Variants in CD3D observed in about 807,000 individuals in gnomAD.
CD3D encodes CD3 delta subunit of T-cell receptor complex, also known as T-cell surface glycoprotein CD3 delta chain.
A neutral mutation model predicts 22.0 loss-of-function variants in CD3D; 22 were observed. The ratio of observed to expected loss-of-function variants is 1.00; its 90% confidence interval spans 0.71 to 1.43. The LOEUF (loss-of-function observed/expected upper bound fraction) is 1.43, where lower values mean the gene tolerates loss of function less well. Ranked by LOEUF, CD3D falls within the 40% of genes most tolerant of loss-of-function variation. CD3D has a pLI of 0.00. For synonymous variants in CD3D, 74 were observed against 81.2 expected (o/e 0.91, Z 0.48); for missense variants, 205 against 211.7 (o/e 0.97, Z 0.20).
chr11:118,340,340 T>A, intron 2 of CD3D, 35 bp downstream of exon 2: 1 of 1,524,246 alleles, frequency 6.6e-7, no homozygotes, highest in Non-Finnish European at 9.1e-7. Flanking sequence ...AGAAGCCCTA[T>A]CCATTCCAAC....
chr11:118,341,298 G>C (rs1248183126), intron 1 of CD3D, among the ~76,000 whole-genome samples: 2 of 152,204 alleles, frequency 1.3e-5, no homozygotes, highest in Admixed American at 1.3e-4. Context: ...CTCCTCACAA[G>C]TCAAGTCTTG....
At chr11:118,342,422 C>T (rs761260894) in intron 1 of CD3D, 131 bp downstream of exon 1, 7 of 771,598 alleles carry the variant, frequency 9.1e-6, no homozygotes, top group Admixed American at 5.8e-5. Context: ...CCTCCCACTT[C>T]GGCCTCCCAA....
chr11:118,339,961 C>T (rs1193315595), intron 2 of CD3D, 55 bp from the exon 3 acceptor site: 6 of 1,608,508 alleles, frequency 3.7e-6, no homozygotes, highest in Non-Finnish European at 4.3e-6. Flanking sequence ...ATCAGGGAAC[C>T]ATCCTCTGCC....
At chr11:118,340,743 A>G in intron 1 of CD3D, 150 bp from the exon 2 acceptor site, 1 of 716,984 alleles carries the variant, frequency 1.4e-6, no homozygotes, top group Non-Finnish European at 2.5e-6. Context: ...CACAAGAAAA[A>G]GCCTTCAGAA....
chr11:118,341,718 G>C (rs570202750), intron 1 of CD3D, among the ~76,000 whole-genome samples: 1 of 152,080 alleles, frequency 6.6e-6, no homozygotes, highest in Non-Finnish European at 1.5e-5. Context: ...GGGGTTCCTC[G>C]GACATGGGAC....
Position 118,339,150 on chromosome 11 carries a change from C to G in CD3D, c.*12G>C. ...TGGTAATGGCTGCTTCTAGAAGCCA[C>G]CAGTCTCAGGTTCACTTGTTCCGAG... On this transcript the variant is annotated 3_prime_UTR_variant, in exon 5 of 5. Coordinates refer to ENST00000300692, the MANE Select transcript of CD3D (RefSeq NM_000732.6). 6.2e-7 allele frequency: 1 copy of G among 1,612,378 alleles called. No individual in the cohort carries two copies. The highest frequency in any genetic ancestry group is 8.5e-7 in the Non-Finnish European group (1 of 1,178,456).
In CD3D at chr11:118,339,672, C is replaced by T. The variant is rs538288091; in HGVS notation, c.406+103G>A. ...CTCCCAGCTGAGACTAAACCTACCA[C>T]CAGCCCCATTCCTTAGCTGGTGCAT... On this transcript the variant is annotated intron_variant, in intron 3 of 4. Transcript: ENST00000300692. The T allele has an allele frequency of 2.1e-4, 325 of 1,581,548 alleles. 2 individuals are homozygous for T. In the Middle Eastern group the frequency reaches 3.0e-3, roughly 15 times the overall value.
intron 4 of CD3D, 75 bp from the exon 5 acceptor site, chr11:118,339,302 C>A (rs559767797): frequency 1.3e-6 from 2 of 1,519,688 alleles, no homozygotes; most frequent in African/African-American, 1.4e-5. Flanking sequence ...CAGGCCCTGA[C>A]GATGAGAGCT....
Position 118,340,568 on chromosome 11 carries a change from C to T in CD3D, c.81G>A (p.Glu27=), listed in dbSNP as rs144504840. ...SQVSPFKIPI[E]ELEDRVFVNC... ...TCACAAACACTCTGTCCTCAAGTTC[C>T]TCTATAGGTATCTTGAAGGGGCTCA... The change falls in exon 2 of 5, where the codon GAG becomes GAA. Residue 27 remains glutamate (E), a synonymous_variant. Transcript: ENST00000300692. 1.1e-5 allele frequency: 17 copies of T among 1,613,808 alleles called. No homozygotes were observed. The highest frequency in any genetic ancestry group is 2.7e-5 in the African/African-American group (2 of 74,858).
chr11:118,340,396 T>C lies in CD3D; in HGVS notation c.253A>G (p.Thr85Ala), dbSNP rs1353437705. ...GTACTTCGATAATGAACTTGCACGG[T>C]AGATTCTTTGTCCTTGTATATATCT... ...GTDIYKDKES[T>A]VQVHYRMCQS... Residue 85 changes from threonine to alanine, a missense_variant, in exon 2 of 5, where the codon ACC (threonine) becomes GCC (alanine). By Grantham distance (58) the Thr-to-Ala change is moderately conservative. Coordinates refer to ENST00000300692, the MANE Select transcript of CD3D (RefSeq NM_000732.6). The C allele has an allele frequency of 6.2e-7, 1 of 1,613,920 alleles. No individual in the cohort carries two copies. The highest frequency in any genetic ancestry group is 8.5e-7 in the Non-Finnish European group (1 of 1,179,908).
chr11:118,339,513 G>A lies in CD3D; in HGVS notation c.407-19C>T. 6.2e-7 allele frequency: 1 copy of A among 1,614,042 alleles called. No individual in the cohort carries two copies. The highest frequency in any genetic ancestry group is 8.5e-7 in the Non-Finnish European group (1 of 1,179,970). ...TCGGCAGCTAGAAGAACCAGAGAGA[G>A]ACATCAATGGCCTAGCAGATGGGAC... is the stretch of plus-strand genomic sequence containing the variant. On this transcript the variant is annotated intron_variant, in intron 3 of 4. Coordinates refer to ENST00000300692, the MANE Select transcript of CD3D (RefSeq NM_000732.6).
At chr11:118,341,580 A>G (rs550460242) in intron 1 of CD3D, among the ~76,000 whole-genome samples, 1 of 152,324 alleles carries the variant, frequency 6.6e-6, no homozygotes, top group East Asian at 1.9e-4. Context: ...AGGGAGACAC[A>G]TGCACATCAA....
rs202080099 is a variant in CD3D, at chr11:118,342,578, C to A, written c.30G>T (p.Leu10=). The A allele has an allele frequency of 9.9e-5, 159 of 1,613,706 alleles. No individual in the cohort carries two copies. Among genetic ancestry groups the A allele is most frequent in the Non-Finnish European group, 1.2e-4 (144 of 1,179,806 alleles). Reference sequence around the variant, plus strand: ...CTTGCGAGAGAAGGGTAGCCAGTACCAGGCCAGAGAGAAACGTGCTATGTT... The same window carrying A: ...CTTGCGAGAGAAGGGTAGCCAGTACAAGGCCAGAGAGAAACGTGCTATGTT... The part of the protein sequence containing the change: MEHSTFLSG[L]VLATLLSQVS... Residue 10 remains leucine, a synonymous_variant, in exon 1 of 5, where the codon CTG becomes CTT. Coordinates refer to ENST00000300692, the MANE Select transcript of CD3D (RefSeq NM_000732.6).
chr11:118,339,753 C>G (rs760813715), intron 3 of CD3D, 22 bp downstream of exon 3: 1 of 1,613,238 alleles, frequency 6.2e-7, no homozygotes, highest in South Asian at 1.1e-5. Flanking sequence ...AACACACTCT[C>G]ATGCTCTGCT....
rs750542171 is a variant in CD3D, at chr11:118,339,170, T to C, written c.508A>G (p.Asn170Asp). 6.2e-7 allele frequency: 1 copy of C among 1,613,840 alleles called. No individual in the cohort carries two copies. Among genetic ancestry groups the C allele is most frequent in the East Asian group, 2.2e-5 (1 of 44,858 alleles). Residue 170 changes from asparagine (N) to aspartate (D), a missense_variant, in exon 5 of 5, where the codon AAC (asparagine) becomes GAC (aspartate). Physicochemically the swap from Asn to Asp is conservative, Grantham distance 23. Transcript: ENST00000300692. ...AGCCACCAGTCTCAGGTTCACTTGT[T>C]CCGAGCCCAGTTTCCTCCAAGGTGG... ...YSHLGGNWARNK is the reference protein window; with the variant it reads ...YSHLGGNWARDK
At position 118,339,859 on chromosome 11, in the gene CD3D, T is replaced by C. The variant is rs1399078441; in HGVS notation, c.322A>G (p.Ile108Val). The change falls in exon 3 of 5, where the codon ATT becomes GTT. Residue 108 changes from isoleucine (I) to valine (V), a missense_variant. Ile to Val is a conservative substitution (Grantham distance 29). Transcript: ENST00000300692. ...AGAGTGGCAATGACATCAGTGACAA[T>C]GATGCCAGCCACGGTGGCTGGATCC... The part of the protein sequence containing the change: ...ELDPATVAGI[I>V]VTDVIATLLL... 1.1e-5 allele frequency: 18 copies of C among 1,613,780 alleles called. No homozygotes were observed. The highest frequency in any genetic ancestry group is 1.3e-5 in the Non-Finnish European group (15 of 1,180,000).
chr11:118,339,280 G>T, intron 4 of CD3D, 53 bp from the exon 5 acceptor site: 1 of 1,567,706 alleles, frequency 6.4e-7, no homozygotes, highest in Non-Finnish European at 8.8e-7. Context: ...ACTCTTCAAG[G>T]AAGGGCCCCA....
At chr11:118,339,328 C>T in intron 4 of CD3D, 101 bp from the exon 5 acceptor site, 1 of 1,470,204 alleles carries the variant, frequency 6.8e-7, no homozygotes, top group Non-Finnish European at 9.5e-7. Flanking sequence ...CTGACCTCTC[C>T]AGTCACACCC....
In CD3D at chr11:118,342,537, C is replaced by T. The variant is rs537028346; in HGVS notation, c.55+16G>A. 22 of 1,612,610 alleles carry T rather than the reference C, an allele frequency of 1.4e-5. No individual in the cohort carries two copies. The African/African-American group carries it at 2.8e-4, about 21-fold the overall frequency. On this transcript the variant is annotated intron_variant, in intron 1 of 4. Transcript: ENST00000300692. The stretch of plus-strand genomic sequence containing the variant: ...CCTCTCAGGTCCCTTCCCCCACCCA[C>T]CTGGAGTAGCCTTACCTTGCGAGAG...
Sources: gnomAD v4.1 joint callset for allele counts (sites outside exome capture counted in the v4.1 genomes callset) on GRCh38, gnomAD v4.1.1 for gene constraint, MANE v1.5 for transcripts, NCBI Gene and HGNC (gene_info 2026-07-23, HGNC 2026-07-21) for gene names.